Variants in OOSP1 observed in about 807,000 individuals in gnomAD.
The protein encoded by OOSP1 is putative oocyte-secreted protein 1 homolog.
A neutral mutation model predicts 5.7 loss-of-function variants in OOSP1; 11 were observed. That is an observed-to-expected ratio of 1.94 (90% CI 1.22 to 3.20). The LOEUF is 3.20. Ranked by LOEUF, OOSP1 falls within the 30% of genes most tolerant of loss-of-function variation. The probability of loss-of-function intolerance (pLI) is 0.00; values close to 1 mark genes in which losing one functional copy is unlikely to be tolerated. For synonymous variants in OOSP1, 44 were observed against 20.0 expected (o/e 2.20, Z -3.20); for missense variants, 83 against 54.1 (o/e 1.53, Z -1.67).
intron 4 of OOSP1, chr11:59,949,074 G>C: frequency 3.6e-6 from 1 of 279,398 alleles, no homozygotes. Context: ...GTAATTTTAA[G>C]CTTCAATGCT....
At position 59,954,090 on chromosome 11, in the gene OOSP1, A is replaced by G. The variant is rs112776603; in HGVS notation, c.487-3105A>G. ...AGCATGTTACTGTGCTGGATACTGCAGGCAACTGTATCACATTGGTATCTG... is the reference window on the plus strand; with the variant it reads ...AGCATGTTACTGTGCTGGATACTGCGGGCAACTGTATCACATTGGTATCTG... On this transcript the variant is annotated intron_variant, in intron 4 of 4. Transcript: ENST00000646685. Among the ~76,000 whole-genome samples the G allele has an allele frequency of 8.9e-3, 1,356 of 152,326 alleles. 14 individuals are homozygous for G. Among genetic ancestry groups the G allele is most frequent in the African/African-American group, 0.031 (1,280 of 41,576 alleles).
At chr11:59,945,959 G>A (rs1053121984) in intron 3 of OOSP1, among the ~76,000 whole-genome samples, 3 of 151,920 alleles carry the variant, frequency 2.0e-5, no homozygotes, top group African/African-American at 4.8e-5. Context: ...GGAAGTGGTC[G>A]GGGGAGGTGC....
chr11:59,944,005 G>A (rs1032944142), intron 2 of OOSP1, among the ~76,000 whole-genome samples: 4 of 152,156 alleles, frequency 2.6e-5, no homozygotes, highest in Non-Finnish European at 4.4e-5. Context: ...TTGAGTGTGC[G>A]GAATATTTAT....
chr11:59,954,419 T>A (rs1403376195), intron 4 of OOSP1, among the ~76,000 whole-genome samples: 1 of 152,122 alleles, frequency 6.6e-6, no homozygotes, highest in Non-Finnish European at 1.5e-5. Flanking sequence ...ATTTGGCTTG[T>A]GGGCTGTAGT....
intron 4 of OOSP1, among the ~76,000 whole-genome samples, chr11:59,953,269 G>A (rs1268018519): frequency 1.3e-5 from 2 of 152,088 alleles, no homozygotes; most frequent in African/African-American, 4.8e-5. Context: ...TGGGCCCAGA[G>A]CAACTTTTCC....
intron 1 of OOSP1, among the ~76,000 whole-genome samples, chr11:59,942,400 T>A (rs1395011784): frequency 6.6e-6 from 1 of 152,194 alleles, no homozygotes; most frequent in Non-Finnish European, 1.5e-5. Context: ...CAAGTCTTTA[T>A]ATATCATGAA....
chr11:59,954,897 TG>T (rs746265733), intron 4 of OOSP1, among the ~76,000 whole-genome samples: 2 of 152,114 alleles, frequency 1.3e-5, no homozygotes, highest in Non-Finnish European at 2.9e-5. Flanking sequence ...GGCTCTCCTT[TG>T]GTTTTCTTCT....
chr11:59,946,219 G>A lies in OOSP1; in HGVS notation c.356+953G>A, dbSNP rs1195738754. On this transcript the variant is annotated intron_variant, in intron 3 of 4. Transcript: ENST00000646685. ...ACGAACCCTATTGTGAACTTCGCAT[G>A]TGAGGGATCTAGGTTGCGCACTCCT... Among the ~76,000 whole-genome samples the A allele has an allele frequency of 2.6e-5, 4 of 152,196 alleles. No homozygotes were observed. In the East Asian group the frequency reaches 7.7e-4, roughly 29 times the overall value.
chr11:59,940,836 C>T (rs987534570), intron 1 of OOSP1, among the ~76,000 whole-genome samples: 3 of 152,190 alleles, frequency 2.0e-5, no homozygotes, highest in Non-Finnish European at 2.9e-5. Flanking sequence ...ATTTAAGGAA[C>T]GTCTTATTTT....
intron 4 of OOSP1, among the ~76,000 whole-genome samples, chr11:59,951,297 A>G (rs967432615): frequency 6.6e-6 from 1 of 151,974 alleles, no homozygotes; most frequent in Non-Finnish European, 1.5e-5. Flanking sequence ...TGTCACTACC[A>G]TAGACCTGAA....
At chr11:59,942,479 G>A (rs1376569506) in intron 1 of OOSP1, among the ~76,000 whole-genome samples, 2 of 152,136 alleles carry the variant, frequency 1.3e-5, no homozygotes, top group Non-Finnish European at 2.9e-5. Context: ...AAGAGCTTCA[G>A]TTGAACAAGG....
intron 4 of OOSP1, among the ~76,000 whole-genome samples, chr11:59,950,630 G>A (rs1454577080): frequency 6.6e-6 from 1 of 152,116 alleles, no homozygotes; most frequent in Non-Finnish European, 1.5e-5. Context: ...AGTGGGATGA[G>A]AACTAAGCGT....
At chr11:59,953,243 C>T (rs1218811731) in intron 4 of OOSP1, among the ~76,000 whole-genome samples, 1 of 152,062 alleles carries the variant, frequency 6.6e-6, no homozygotes, top group East Asian at 1.9e-4. Context: ...TTACAAAGGA[C>T]TTTTGCTAGA....
At chr11:59,941,765 T>C (rs1440171694) in intron 1 of OOSP1, among the ~76,000 whole-genome samples, 3 of 152,204 alleles carry the variant, frequency 2.0e-5, no homozygotes, top group Non-Finnish European at 4.4e-5. Flanking sequence ...ATGGTTGTTG[T>C]ATGTTTAGTT....
chr11:59,944,493 A>G (rs1230462338), intron 2 of OOSP1, among the ~76,000 whole-genome samples: 1 of 152,172 alleles, frequency 6.6e-6, no homozygotes, highest in Non-Finnish European at 1.5e-5. Flanking sequence ...GGAACATTTA[A>G]AATTATGTAA....
At chr11:59,953,674 G>C (rs1221346668) in intron 4 of OOSP1, among the ~76,000 whole-genome samples, 2 of 152,128 alleles carry the variant, frequency 1.3e-5, no homozygotes, top group African/African-American at 2.4e-5. Flanking sequence ...ATTTTTCTTG[G>C]TTGGGTTGTT....
intron 3 of OOSP1, among the ~76,000 whole-genome samples, chr11:59,945,750 CAAAAA>C (rs67604320): frequency 2.4e-3 from 108 of 45,846 alleles, no homozygotes; most frequent in African/African-American, 9.9e-3. Flanking sequence ...GACTCTGTCT[CAAAAA>C]AAAAAAAAAA....
At chr11:59,942,136 T>C (rs1368157273) in intron 1 of OOSP1, among the ~76,000 whole-genome samples, 1 of 152,206 alleles carries the variant, frequency 6.6e-6, no homozygotes, top group Non-Finnish European at 1.5e-5. Context: ...TAGTGAAGTC[T>C]AGAAGAATAG....
intron 4 of OOSP1, among the ~76,000 whole-genome samples, chr11:59,953,717 G>T (rs954051952): frequency 3.3e-5 from 5 of 152,124 alleles, no homozygotes; most frequent in Non-Finnish European, 5.9e-5. Flanking sequence ...CCTCAGAGAA[G>T]GTCCTTGTAA....
Sources: gnomAD v4.1 joint callset for allele counts (sites outside exome capture counted in the v4.1 genomes callset) on GRCh38, gnomAD v4.1.1 for gene constraint, MANE v1.5 for transcripts, NCBI Gene and HGNC (gene_info 2026-07-23, HGNC 2026-07-21) for gene names.